PDXDC1: variants seen among roughly 807,000 people sequenced by gnomAD.
PDXDC1 encodes pyridoxal-dependent decarboxylase domain-containing protein 1.
A neutral mutation model predicts 100.1 loss-of-function variants in PDXDC1; 42 were observed. The observed-to-expected ratio is 0.42, with a 90% CI of 0.33 to 0.54. The LOEUF (loss-of-function observed/expected upper bound fraction) is 0.54, where lower values mean the gene tolerates loss of function less well. Ranked by LOEUF, PDXDC1 falls within the 20% of genes least tolerant of loss-of-function variation. The pLI is 0.10. For synonymous variants in PDXDC1, 260 were observed against 371.7 expected (o/e 0.70, Z 3.46); for missense variants, 636 against 979.2 (o/e 0.65, Z 4.68).
intron 18 of PDXDC1, 66 bp from the exon 19 acceptor site, chr16:15,033,212 A>G: frequency 6.4e-7 from 1 of 1,573,720 alleles, no homozygotes; most frequent in Non-Finnish European, 8.7e-7. Context: ...TGAACAGGAG[A>G]GTAGGTCCAC....
At chr16:15,010,020 G>A (rs1306830377) in intron 8 of PDXDC1, among the ~76,000 whole-genome samples, 1 of 152,264 alleles carries the variant, frequency 6.6e-6, no homozygotes, top group East Asian at 1.9e-4. Context: ...TCTCCTTCAT[G>A]TACTTCTTTT....
chr16:15,135,654 T>C, intron 16 of PDXDC1: 8 of 1,592,798 alleles, frequency 5.0e-6, no homozygotes, highest in Non-Finnish European at 6.9e-6. Flanking sequence ...CTGACCTGTG[T>C]CGAAGCCACA....
intron 16 of PDXDC1, among the ~76,000 whole-genome samples, chr16:15,050,881 A>C (rs750296973): frequency 4.3e-4 from 65 of 152,372 alleles, no homozygotes; most frequent in Non-Finnish European, 7.5e-4. Context: ...CCCTTAATTT[A>C]AGAAACAAAC....
rs118177828 is a variant in PDXDC1 at position 15,036,653 on chromosome 16, C to T, written c.*378C>T. 3,982 of 238,738 alleles carry T rather than the reference C, an allele frequency of 0.017. 59 individuals are homozygous for T. The highest frequency in any genetic ancestry group is 0.054 in the Middle Eastern group (33 of 610). The allele number at this position is 238,738 out of a possible 1,614,324, so 14.8% of individuals were successfully genotyped here. ...TAAAACAGCTTTTCATTAGCACTCT[C>T]CAGGTTCTCTGCAACACTTCACAGA... On this transcript the variant is annotated 3_prime_UTR_variant, in exon 23 of 23. Transcript: ENST00000396410.
At chr16:15,077,697 C>T (rs551867019) in intron 16 of PDXDC1, among the ~76,000 whole-genome samples, 8 of 152,236 alleles carry the variant, frequency 5.3e-5, no homozygotes, top group Admixed American at 6.5e-5. Context: ...AAAAATTAGC[C>T]GGGCATGGTG....
chr16:15,033,428 T>C (rs2043189125), intron 19 of PDXDC1, 29 bp downstream of exon 19: 2 of 1,607,182 alleles, frequency 1.2e-6, no homozygotes, highest in Non-Finnish European at 1.7e-6. Context: ...TGTTCATTCC[T>C]CTTCTGAGTT....
At position 14,975,224 on chromosome 16, in the gene PDXDC1, C is replaced by G; in HGVS notation, c.21+4C>G. The G allele has an allele frequency of 7.0e-7, 1 of 1,420,032 alleles. No individual in the cohort carries two copies. Among genetic ancestry groups the G allele is most frequent in the Non-Finnish European group, 9.1e-7 (1 of 1,096,966 alleles). The allele number at this position is 1,420,032 out of a possible 1,614,324, so 88.0% of individuals were successfully genotyped here. On this transcript the variant is annotated splice_donor_region_variant and intron_variant, in intron 1 of 22. Transcript: ENST00000396410. ...CATGGACGCGTCCCTGGAGAAGGTC[C>G]GTGCCGGGAGGGGGCGATGGGGACG...
intron 16 of PDXDC1, among the ~76,000 whole-genome samples, chr16:15,089,811 A>AAC (rs1555463212): frequency 2.1e-4 from 28 of 132,920 alleles, no homozygotes; most frequent in Non-Finnish European, 3.5e-4. Context: ...AAAAAAAAAA[A>AAC]CAGATTAAAG....
chr16:15,125,310 G>C, intron 16 of PDXDC1: 1 of 681,238 alleles, frequency 1.5e-6, no homozygotes, highest in Non-Finnish European at 2.5e-6. Context: ...CCTCGCTGGA[G>C]GGCCAGCACA....
Position 15,131,340 on chromosome 16 carries a change from G to C in PDXDC1, c.1400-7539G>C, listed in dbSNP as rs1392762879. On this transcript the variant is annotated intron_variant, in intron 16 of 16. Coordinates refer to the PDXDC1 transcript ENST00000535621. ...CCATCGAGGCCACCTTGGTGGAGAC[G>C]GTGTAGTTGCTGATATAGCCAAAGG... 5 of 1,554,952 alleles carry C rather than the reference G, an allele frequency of 3.2e-6. No individual in the cohort carries two copies. In the Admixed American group the frequency reaches 8.3e-5, roughly 26 times the overall value.
downstream of PDXDC1, chr16:15,040,139 T>A: frequency 1.3e-6 from 1 of 785,176 alleles, no homozygotes; most frequent in Non-Finnish European, 2.2e-6. Context: ...CTTACATTTC[T>A]ACCACCACTC....
intron 5 of PDXDC1, among the ~76,000 whole-genome samples, chr16:15,006,021 T>C (rs1228049319): frequency 1.3e-5 from 2 of 152,290 alleles, no homozygotes; most frequent in Non-Finnish European, 2.9e-5. Context: ...TTATTTACTT[T>C]GGATGTTTTA....
At chr16:15,146,779 C>G in the PDXDC1 span, among the ~76,000 whole-genome samples, 16 of 151,992 alleles carry the variant, frequency 1.1e-4, no homozygotes, top group African/African-American at 3.9e-4. Context: ...GAATGGGCCC[C>G]CGGAACCCCT....
intron 2 of PDXDC1, 23 bp from the exon 3 acceptor site, chr16:14,998,317 G>T (rs746239844): frequency 6.2e-7 from 1 of 1,606,492 alleles, no homozygotes; most frequent in African/African-American, 1.3e-5. Flanking sequence ...CAAATGAACA[G>T]CTTTTTCTTT....
At chr16:15,063,166 G>C (rs376667625) in intron 16 of PDXDC1, 21 of 1,435,366 alleles carry the variant, frequency 1.5e-5, no homozygotes, top group South Asian at 2.3e-5. Flanking sequence ...AGGAGATTCC[G>C]AGAGTGTGCT....
chr16:14,998,233 C>T (rs1345077513), intron 2 of PDXDC1, 107 bp from the exon 3 acceptor site: 7 of 1,048,440 alleles, frequency 6.7e-6, no homozygotes, highest in South Asian at 6.5e-5. Flanking sequence ...GAAATCCTGC[C>T]TCAGTCACTG....
intron 16 of PDXDC1, chr16:15,060,064 C>G (rs894593047): frequency 3.7e-5 from 10 of 267,012 alleles, no homozygotes; most frequent in African/African-American, 9.3e-5. Flanking sequence ...GGTATAAGAA[C>G]GTAAGTTCCA....
chr16:15,072,903 G>A (rs1423173885), intron 16 of PDXDC1: 2 of 1,597,462 alleles, frequency 1.3e-6, no homozygotes, highest in African/African-American at 2.7e-5. Context: ...AAATTTTTGG[G>A]CAAAAACAAA....
intron 11 of PDXDC1, among the ~76,000 whole-genome samples, chr16:15,017,640 T>C (rs1030669975): frequency 3.3e-5 from 5 of 152,284 alleles, no homozygotes; most frequent in Admixed American, 6.5e-5. Context: ...TATGAACTTA[T>C]AGGATGTTTT....
Sources: gnomAD v4.1 joint callset for allele counts (sites outside exome capture counted in the v4.1 genomes callset) on GRCh38, gnomAD v4.1.1 for gene constraint, MANE v1.5 for transcripts, NCBI Gene and HGNC (gene_info 2026-07-23, HGNC 2026-07-21) for gene names.